Variants in ERH observed in about 807,000 individuals in gnomAD.
ERH encodes enhancer of rudimentary homolog.
In ERH, 1 loss-of-function variant was observed where a neutral mutation model predicts 16.8. The observed-to-expected ratio is 0.06, with a 90% CI of 0.02 to 0.28. ERH has a LOEUF of 0.28. Ranked by LOEUF, ERH falls within the 10% of genes least tolerant of loss-of-function variation. The probability of loss-of-function intolerance (pLI) is 1.00; values close to 1 mark genes in which losing one functional copy is unlikely to be tolerated. For missense variants in ERH, 42 were observed against 127.5 expected (o/e 0.33, Z 3.23); for synonymous variants, 43 against 43.6 (o/e 0.99, Z 0.05).
At chr14:69,393,178 G>T (rs1220040441) in intron 2 of ERH, among the ~76,000 whole-genome samples, 1 of 152,158 alleles carries the variant, frequency 6.6e-6, no homozygotes, top group African/African-American at 2.4e-5. Flanking sequence ...TTAGCTGGGC[G>T]TGGTGGCACA....
intron 3 of ERH, among the ~76,000 whole-genome samples, chr14:69,384,558 G>A (rs143271056): frequency 0.015 from 2,257 of 152,208 alleles, 31 homozygotes; most frequent in African/African-American, 0.028. Context: ...TCCCAAAAGC[G>A]TCAGGATTAC....
chr14:69,383,864 G>A (rs2045877030), intron 3 of ERH, among the ~76,000 whole-genome samples: 1 of 152,126 alleles, frequency 6.6e-6, no homozygotes. Context: ...AAAGTCTAAT[G>A]CAGCCGGGCA....
intron 2 of ERH, among the ~76,000 whole-genome samples, chr14:69,392,285 CA>C (rs1291477838): frequency 4.6e-5 from 7 of 151,450 alleles, no homozygotes; most frequent in African/African-American, 1.7e-4. Context: ...ATTATTTTAA[CA>C]TTTTTTTGTT....
intron 3 of ERH, among the ~76,000 whole-genome samples, chr14:69,383,976 T>G (rs909179075): frequency 6.6e-6 from 1 of 152,128 alleles, no homozygotes; most frequent in African/African-American, 2.4e-5. Context: ...AGCAAGACCC[T>G]GTCTCTAAAA....
At chr14:69,390,982 C>A (rs2045921081) in intron 2 of ERH, among the ~76,000 whole-genome samples, 1 of 152,182 alleles carries the variant, frequency 6.6e-6, no homozygotes, top group South Asian at 2.1e-4. Context: ...AGTGACAACA[C>A]CAAATGCTGG....
At chr14:69,381,551 C>T (rs987697689) in intron 3 of ERH, among the ~76,000 whole-genome samples, 5 of 152,084 alleles carry the variant, frequency 3.3e-5, no homozygotes, top group Non-Finnish European at 7.3e-5. Context: ...AGCAGTAAAA[C>T]TCCAATGGGA....
At chr14:69,391,787 G>A (rs1236220765) in intron 2 of ERH, among the ~76,000 whole-genome samples, 1 of 151,868 alleles carries the variant, frequency 6.6e-6, no homozygotes, top group Non-Finnish European at 1.5e-5. Flanking sequence ...AAAAGATCAG[G>A]GGTTTGGGGG....
intron 3 of ERH, among the ~76,000 whole-genome samples, chr14:69,382,046 AGGTAATGCTGGACT>A: frequency 6.6e-6 from 1 of 152,220 alleles, no homozygotes; most frequent in Non-Finnish European, 1.5e-5. Flanking sequence ...GTTATTAGCT[AGGTAATGCTGGACT>A]GGAGATAGAT....
At chr14:69,391,909 G>C (rs1882222775) in intron 2 of ERH, among the ~76,000 whole-genome samples, 1 of 152,054 alleles carries the variant, frequency 6.6e-6, no homozygotes, top group Admixed American at 6.5e-5. Flanking sequence ...AAAACCCACA[G>C]AATGTTCAAC....
At chr14:69,393,211 G>A (rs189265180) in intron 2 of ERH, among the ~76,000 whole-genome samples, 1 of 152,338 alleles carries the variant, frequency 6.6e-6, no homozygotes, top group East Asian at 1.9e-4. Flanking sequence ...CAGCTACTGA[G>A]GAGACTGAGG....
chr14:69,390,070 C>T (rs1017908395), intron 2 of ERH, among the ~76,000 whole-genome samples: 6 of 152,132 alleles, frequency 3.9e-5, no homozygotes, highest in Admixed American at 2.0e-4. Context: ...AAAGTAAAGC[C>T]ACCACACCAT....
chr14:69,385,240 A>G (rs569157326), intron 3 of ERH, among the ~76,000 whole-genome samples: 1 of 152,292 alleles, frequency 6.6e-6, no homozygotes, highest in African/African-American at 2.4e-5. Flanking sequence ...CATGATCACA[A>G]TGACTGATTT....
intron 1 of ERH, among the ~76,000 whole-genome samples, chr14:69,396,476 G>GTC (rs1234156973): frequency 1.3e-5 from 2 of 152,168 alleles, no homozygotes; most frequent in Admixed American, 6.5e-5. Flanking sequence ...GGTCAGACTG[G>GTC]TCTTGAACTC....
intron 1 of ERH, among the ~76,000 whole-genome samples, chr14:69,395,974 C>T (rs111724638): frequency 0.021 from 3,225 of 152,296 alleles, 53 homozygotes; most frequent in Middle Eastern, 0.065. Flanking sequence ...GTTTTCTCAA[C>T]GTGGGCTCTA....
At chr14:69,396,904 G>A (rs943845089) in intron 1 of ERH, among the ~76,000 whole-genome samples, 1 of 152,192 alleles carries the variant, frequency 6.6e-6, no homozygotes, top group Non-Finnish European at 1.5e-5. Flanking sequence ...AAGTTTCAAC[G>A]AGTCATTTAA....
rs772219006 is a variant in ERH at position 69,398,192 on chromosome 14, G to A, written c.3+39C>T. ...TGGGGCTGGGGTCGCTCTGGAGGCC[G>A]GGGACTCGGACTCGGGTAGCCGCGG... On this transcript the variant is annotated intron_variant, in intron 1 of 3. Transcript: ENST00000557016. The A allele has an allele frequency of 3.1e-6, 5 of 1,612,270 alleles. No individual in the cohort carries two copies. The African/African-American group carries it at 5.3e-5, about 17-fold the overall frequency.
At chr14:69,389,295 G>A (rs934397361) in intron 2 of ERH, among the ~76,000 whole-genome samples, 3 of 152,190 alleles carry the variant, frequency 2.0e-5, no homozygotes, top group African/African-American at 7.2e-5. Flanking sequence ...CCAAAGTGCT[G>A]GGATTACAGG....
rs140191725 is a variant in ERH at position 69,381,729 on chromosome 14, C to T, written c.213-1089G>A. On this transcript the variant is annotated intron_variant, in intron 3 of 3. Transcript: ENST00000557016. ...TTTGAGACAGAATCTCACTCTGTAA[C>T]TCAGTCTGGAGTGCAGTGGTGCCAT... 3.1e-3 allele frequency among the ~76,000 whole-genome samples: 477 copies of T among 152,288 alleles called. 4 individuals carry two copies. Among genetic ancestry groups the T allele is most frequent in the African/African-American group, 0.011 (464 of 41,552 alleles).
At position 69,388,345 on chromosome 14, in the gene ERH, T is replaced by G. The variant is rs192419123; in HGVS notation, c.92-1262A>C. ...ATAGAGTATATTATCTATTTAGTTT[T>G]TATTCAATAATACTCTCCTTTTTTT... On this transcript the variant is annotated intron_variant, in intron 2 of 3. Transcript: ENST00000557016. 1.7e-3 allele frequency among the ~76,000 whole-genome samples: 264 copies of G among 152,274 alleles called. 1 individual carries two copies. The highest frequency in any genetic ancestry group is 5.4e-3 in the African/African-American group (226 of 41,570).
Sources: gnomAD v4.1 joint callset for allele counts (sites outside exome capture counted in the v4.1 genomes callset) on GRCh38, gnomAD v4.1.1 for gene constraint, MANE v1.5 for transcripts, NCBI Gene and HGNC (gene_info 2026-07-23, HGNC 2026-07-21) for gene names.